RHEB: variants seen among roughly 807,000 people sequenced by gnomAD.
RHEB encodes the protein Ras homolog, mTORC1 binding, also known as GTP-binding protein Rheb.
Under a neutral mutation model 28.8 loss-of-function variants are expected in RHEB, and 2 were observed. The observed-to-expected ratio is 0.07, with a 90% CI of 0.03 to 0.22. RHEB has a LOEUF of 0.22. Among genes scored for constraint, RHEB ranks in the 10% least tolerant of loss-of-function variants. RHEB has a pLI of 1.00. For missense variants in RHEB, 76 were observed against 219.9 expected (o/e 0.35, Z 4.14); for synonymous variants, 69 against 77.3 (o/e 0.89, Z 0.56).
At chr7:151,486,455 T>C (rs1802475252) in intron 2 of RHEB, among the ~76,000 whole-genome samples, 1 of 152,176 alleles carries the variant, frequency 6.6e-6, no homozygotes, top group African/African-American at 2.4e-5. Context: ...CACACACATG[T>C]ACCCTCCCAC....
chr7:151,479,647 C>G (rs1300865455), intron 3 of RHEB, among the ~76,000 whole-genome samples: 1 of 144,834 alleles, frequency 6.9e-6, no homozygotes, highest in Non-Finnish European at 1.5e-5. Flanking sequence ...CGCGCCACAG[C>G]ACTCCAGCCT....
intron 1 of RHEB, among the ~76,000 whole-genome samples, chr7:151,500,357 A>G (rs1022921743): frequency 6.6e-6 from 1 of 152,242 alleles, no homozygotes; most frequent in Non-Finnish European, 1.5e-5. Context: ...CAAAGTATGT[A>G]CCTGGTTTCA....
chr7:151,492,104 C>T (rs759296329), intron 1 of RHEB, among the ~76,000 whole-genome samples: 1 of 152,140 alleles, frequency 6.6e-6, no homozygotes, highest in Non-Finnish European at 1.5e-5. Flanking sequence ...ATCCTTGGAG[C>T]ATTATTACAC....
At chr7:151,508,838 T>C (rs1253326946) in intron 1 of RHEB, among the ~76,000 whole-genome samples, 1 of 152,096 alleles carries the variant, frequency 6.6e-6, no homozygotes, top group African/African-American at 2.4e-5. Context: ...TTTAAGGGAA[T>C]AGGATCATAT....
chr7:151,499,800 C>T (rs1436098519), intron 1 of RHEB, among the ~76,000 whole-genome samples: 3 of 152,192 alleles, frequency 2.0e-5, no homozygotes, highest in Admixed American at 1.3e-4. Context: ...TATCACCCTC[C>T]TCCACTTTGG....
chr7:151,497,414 G>A (rs1040404623), intron 1 of RHEB, among the ~76,000 whole-genome samples: 1 of 152,164 alleles, frequency 6.6e-6, no homozygotes, highest in Non-Finnish European at 1.5e-5. Flanking sequence ...ACAGTTCAAT[G>A]TTTAGGAACC....
At chr7:151,485,573 A>G (rs1444921648) in intron 2 of RHEB, among the ~76,000 whole-genome samples, 1 of 152,208 alleles carries the variant, frequency 6.6e-6, no homozygotes, top group Non-Finnish European at 1.5e-5. Context: ...TTGACTCACC[A>G]TGAGTCCTCC....
intron 1 of RHEB, among the ~76,000 whole-genome samples, chr7:151,516,196 A>T (rs1233308330): frequency 2.0e-5 from 3 of 152,222 alleles, no homozygotes. Context: ...CGTGTCCTTA[A>T]AAGCTTTAAC....
chr7:151,494,370 G>A (rs1321477995), intron 1 of RHEB, among the ~76,000 whole-genome samples: 3 of 152,206 alleles, frequency 2.0e-5, no homozygotes, highest in African/African-American at 2.4e-5. Flanking sequence ...GGAGTTTCCC[G>A]TGAAATTCAG....
rs1376039689 is a variant in RHEB, at chr7:151,468,589, C to CTCA, written c.463-1379_463-1378insTGA. Reference sequence around the variant, plus strand: ...CCCTTCTCCTCAAATGTTCCCCGTGCTTACGCTCAGCTGAAAACCTTGTTT... The same window carrying CTCA: ...CCCTTCTCCTCAAATGTTCCCCGTGCTCATTACGCTCAGCTGAAAACCTTGTTT... On this transcript the variant is annotated intron_variant, in intron 7 of 7. Transcript: ENST00000262187. This position sits in a 1 kb window ranked among gnomAD's most constrained non-coding sequence, Gnocchi z 4.3. Among the ~76,000 whole-genome samples the CTCA allele has an allele frequency of 6.6e-6, 1 of 152,260 alleles. No homozygotes were observed. The highest frequency in any genetic ancestry group is 2.4e-5 in the African/African-American group (1 of 41,472).
chr7:151,517,667 T>C (rs1803105463), intron 1 of RHEB, among the ~76,000 whole-genome samples: 1 of 140,892 alleles, frequency 7.1e-6, no homozygotes. Flanking sequence ...GGATTTCAAC[T>C]GGACATAAGG....
chr7:151,477,310 C>G (rs1802288252), intron 4 of RHEB, 23 bp downstream of exon 4: 2 of 1,410,538 alleles, frequency 1.4e-6, no homozygotes, highest in East Asian at 2.3e-5. Context: ...CAAATCAACT[C>G]AAGCAGGCAG....
chr7:151,474,186 GTT>G (rs5888440), intron 4 of RHEB, among the ~76,000 whole-genome samples: 14 of 148,846 alleles, frequency 9.4e-5, no homozygotes, highest in African/African-American at 3.5e-4. Context: ...TTGTTTTTTT[GTT>G]TTTTTTTTGA....
At chr7:151,492,941 C>T (rs975560834) in intron 1 of RHEB, among the ~76,000 whole-genome samples, 4 of 148,628 alleles carry the variant, frequency 2.7e-5, no homozygotes, top group Non-Finnish European at 3.0e-5. Flanking sequence ...CGGGTTGAGG[C>T]GATTCTCCTG....
chr7:151,499,608 C>T (rs955197646), intron 1 of RHEB, among the ~76,000 whole-genome samples: 4 of 152,234 alleles, frequency 2.6e-5, no homozygotes, highest in Admixed American at 6.5e-5. Context: ...TTCTGTACCA[C>T]AATCCCATAT....
chr7:151,493,900 AAAAC>A (rs1802629691), intron 1 of RHEB, among the ~76,000 whole-genome samples: 1 of 152,194 alleles, frequency 6.6e-6, no homozygotes, highest in African/African-American at 2.4e-5. Flanking sequence ...GAGTAAAAAA[AAAAC>A]AAACTGTTAT....
intron 7 of RHEB, 87 bp from the exon 8 acceptor site, chr7:151,467,298 GC>G: frequency 1.1e-6 from 1 of 951,002 alleles, no homozygotes; most frequent in Admixed American, 1.9e-5. Context: ...CGTGCCGCCT[GC>G]CCTGCCCTCC....
chr7:151,484,584 G>C lies in RHEB; in HGVS notation c.192+153C>G, dbSNP rs76551388. 3.9e-5 allele frequency among the ~76,000 whole-genome samples: 6 copies of C among 152,094 alleles called. No homozygotes were observed. The East Asian group carries it at 1.2e-3, about 29-fold the overall frequency. ...CGTAAAGATGAGAAATTGTTAAGTC[G>C]AGCCACTGCAAGCCAAACCATTGGG... is the stretch of plus-strand genomic sequence containing the variant. On this transcript the variant is annotated intron_variant, in intron 3 of 7. Transcript: ENST00000262187.
intron 1 of RHEB, among the ~76,000 whole-genome samples, chr7:151,492,992 A>C (rs1248198193): frequency 6.6e-6 from 1 of 151,862 alleles, no homozygotes; most frequent in Non-Finnish European, 1.5e-5. Flanking sequence ...GGCACGCGCC[A>C]CCACACCTGA....
Sources: allele counts gnomAD v4.1 joint callset (sites outside exome capture counted in the v4.1 genomes callset), GRCh38; gene constraint gnomAD v4.1.1; non-coding constraint Gnocchi (gnomAD v3.1); transcripts MANE v1.5; gene names NCBI Gene and HGNC (gene_info 2026-07-23, HGNC 2026-07-21).